PML: variants seen among roughly 807,000 people sequenced by gnomAD.
PML encodes the protein protein PML.
A neutral mutation model predicts 65.2 loss-of-function variants in PML; 28 were observed. The ratio of observed to expected loss-of-function variants is 0.43; its 90% CI spans 0.32 to 0.59. PML has a LOEUF of 0.59. PML is among the 20% of genes least tolerant of loss of function. The probability of loss-of-function intolerance (pLI) is 0.08; values close to 1 mark genes in which losing one functional copy is unlikely to be tolerated. For missense variants in PML, 1,021 were observed against 1,203.4 expected, an observed-to-expected ratio of 0.85 and a Z score of 2.24; for synonymous variants, 500 against 508.8, an observed-to-expected ratio of 0.98 and a Z score of 0.23.
rs759232644 is a variant in PML at position 74,036,028 on chromosome 15, C to G, written c.1710+1498C>G. ...TGAGCTGCCTCCTCCAGCCCATGCTCTTACAGGCCCTGCACAGAGTAGCAC... is the reference window on the plus strand; with the variant it reads ...TGAGCTGCCTCCTCCAGCCCATGCTGTTACAGGCCCTGCACAGAGTAGCAC... On this transcript the variant is annotated intron_variant, in intron 7 of 8. Coordinates refer to ENST00000268058, the MANE Select transcript of PML (RefSeq NM_033238.3). The G allele has an allele frequency of 3.1e-6, 5 of 1,614,124 alleles. No individual in the cohort carries two copies. In the African/African-American group the frequency reaches 5.3e-5, roughly 17 times the overall value.
chr15:74,002,612 T>TG (rs1254890940), intron 2 of PML, among the ~76,000 whole-genome samples: 1 of 34,838 alleles, frequency 2.9e-5, no homozygotes, highest in Non-Finnish European at 9.1e-5. Flanking sequence ...CCCGGCTAAG[T>TG]TTTTTTTTTT....
intron 2 of PML, among the ~76,000 whole-genome samples, chr15:74,006,217 C>T (rs560363028): frequency 1.3e-5 from 2 of 151,794 alleles, no homozygotes; most frequent in East Asian, 3.9e-4. Flanking sequence ...ATGGTGAAAC[C>T]CCATCTCTAC....
rs912943711 is a variant in PML, at chr15:74,035,081, G to A, written c.1710+551G>A. 9.4e-5 allele frequency: 116 copies of A among 1,229,942 alleles called. No homozygotes were observed. The Admixed American group carries it at 1.3e-3, about 14-fold the overall frequency. The allele number at this position is 1,229,942 out of a possible 1,614,324, so 76.2% of individuals were successfully genotyped here. Reference sequence around the variant, plus strand: ...AGAGGCTGGACTATCACCTGTCCAGGGGAAAAGGGGATCTGAATAGAGTGA... The same window carrying A: ...AGAGGCTGGACTATCACCTGTCCAGAGGAAAAGGGGATCTGAATAGAGTGA... On this transcript the variant is annotated intron_variant, in intron 7 of 8. Transcript: ENST00000268058. This position sits in a 1 kb window ranked among gnomAD's most constrained non-coding sequence, Gnocchi z 4.1.
intron 2 of PML, among the ~76,000 whole-genome samples, chr15:74,021,176 A>G (rs2070817156): frequency 6.6e-6 from 1 of 152,222 alleles, no homozygotes; most frequent in Non-Finnish European, 1.5e-5. Flanking sequence ...TAAAATGGGG[A>G]TAATAATGGT....
intron 2 of PML, among the ~76,000 whole-genome samples, chr15:74,014,596 T>C (rs919865340): frequency 6.6e-6 from 1 of 151,800 alleles, no homozygotes; most frequent in African/African-American, 2.4e-5. Context: ...AACCTGTCTC[T>C]ACTAAAAATA....
In PML at chr15:74,047,061, A is replaced by T. The variant is rs775992652; in HGVS notation, c.*2053A>T. The T allele has an allele frequency of 5.2e-5, 12 of 230,056 alleles. No homozygotes were observed. The highest frequency in any genetic ancestry group is 1.0e-4 in the Non-Finnish European group (12 of 116,186). 14.3% of individuals were successfully genotyped at this position (230,056 alleles called of 1,614,324 possible). A position where few individuals can be genotyped will look rare whatever the true frequency, so the allele number is the denominator to read the frequency against. On this transcript the variant is annotated 3_prime_UTR_variant, in exon 9 of 9. Transcript: ENST00000268058. Reference sequence around the variant, plus strand: ...GAGTGCCATGTGGCAGGAAAGAAGCACCGATTTCAAGAATTACTTCCTAGA... The same window carrying T: ...GAGTGCCATGTGGCAGGAAAGAAGCTCCGATTTCAAGAATTACTTCCTAGA...
intron 2 of PML, among the ~76,000 whole-genome samples, chr15:74,018,697 ATTTC>A (rs2141818406): frequency 6.6e-6 from 1 of 151,996 alleles, no homozygotes; most frequent in South Asian, 2.1e-4. Context: ...TTTTTCCCAT[ATTTC>A]TTCTCATTTG....
chr15:74,034,188 T>A, intron 6 of PML: 1 of 495,844 alleles, frequency 2.0e-6, no homozygotes, highest in Non-Finnish European at 3.7e-6. Context: ...CAGGTAGCAG[T>A]TGTCAGGCCT....
At chr15:74,008,582 C>CA (rs1163269445) in intron 2 of PML, among the ~76,000 whole-genome samples, 1 of 151,804 alleles carries the variant, frequency 6.6e-6, no homozygotes. Flanking sequence ...ACTAAAAATA[C>CA]AAAAAAATTA....
At chr15:74,021,881 C>G (rs2070850758) in intron 2 of PML, among the ~76,000 whole-genome samples, 1 of 152,202 alleles carries the variant, frequency 6.6e-6, no homozygotes, top group Non-Finnish European at 1.5e-5. Context: ...CTGATCTGTG[C>G]CTATGCACCT....
intron 2 of PML, among the ~76,000 whole-genome samples, chr15:74,018,684 AT>A (rs1377030940): frequency 6.6e-6 from 1 of 151,896 alleles, no homozygotes; most frequent in African/African-American, 2.4e-5. Context: ...GGGAAGATGG[AT>A]TTTTTTCCCA....
Position 74,043,073 on chromosome 15 carries a change from A to G in PML, c.1795A>G (p.Asn599Asp). Residue 599 changes from asparagine to aspartate, a missense_variant, in exon 8 of 9, where the codon AAC (asparagine) becomes GAC (aspartate). Asn to Asp is a conservative substitution (Grantham distance 23, BLOSUM62 1). Transcript: ENST00000268058. This position sits in a 1 kb window ranked among gnomAD's most constrained non-coding sequence, Gnocchi z 4.3. Reference protein sequence around the residue: ...GPSTLRVLDENLADPQAEDRP... With the variant: ...GPSTLRVLDEDLADPQAEDRP... ...CAGCACCCTCAGGGTCCTGGACGAGAACCTTGCTGACCCCCAAGCAGAAGA... is the reference window on the plus strand; with the variant it reads ...CAGCACCCTCAGGGTCCTGGACGAGGACCTTGCTGACCCCCAAGCAGAAGA... 6.2e-7 allele frequency: 1 copy of G among 1,613,210 alleles called. No individual in the cohort carries two copies. The highest frequency in any genetic ancestry group is 8.5e-7 in the Non-Finnish European group (1 of 1,179,838).
intron 2 of PML, among the ~76,000 whole-genome samples, chr15:74,007,712 G>A (rs1250978693): frequency 6.6e-6 from 1 of 152,098 alleles, no homozygotes; most frequent in East Asian, 1.9e-4. Flanking sequence ...TGGGGCCATT[G>A]GTATTTGCTC....
chr15:74,035,285 A>G lies in PML; in HGVS notation c.1710+755A>G, dbSNP rs1210938933. The stretch of plus-strand genomic sequence containing the variant: ...TCCAGTCTCTGCTGAGAGCACAAGG[A>G]GCCTCCAGCCTGCCCTGTGGCACAT... On this transcript the variant is annotated intron_variant, in intron 7 of 8. Transcript: ENST00000268058. This position sits in a 1 kb window ranked among gnomAD's most constrained non-coding sequence, Gnocchi z 4.1. 2 of 1,612,838 alleles carry G rather than the reference A, an allele frequency of 1.2e-6. No individual in the cohort carries two copies. Among genetic ancestry groups the G allele is most frequent in the Admixed American group, 3.3e-5 (2 of 59,944 alleles).
In PML at chr15:74,023,111, G is replaced by C. The variant is rs868222335; in HGVS notation, c.886G>C (p.Glu296Gln). 6 of 1,603,762 alleles carry C rather than the reference G, an allele frequency of 3.7e-6. No individual in the cohort carries two copies. Among genetic ancestry groups the C allele is most frequent in the South Asian group, 1.1e-5 (1 of 91,012 alleles). ...AGCTCACGTGCGGGCTCAGGAGCGCGAGCTGCTGGAGGCTGTGGACGCGCG... is the reference window on the plus strand; with the variant it reads ...AGCTCACGTGCGGGCTCAGGAGCGCCAGCTGCTGGAGGCTGTGGACGCGCG... Reference protein sequence around the residue: ...VVAHVRAQERELLEAVDARYQ... With the variant: ...VVAHVRAQERQLLEAVDARYQ... Residue 296 changes from glutamate to glutamine, a missense_variant, in exon 3 of 9, where the codon GAG (glutamate) becomes CAG (glutamine). Physicochemically the swap from Glu to Gln is conservative, Grantham distance 29. Transcript: ENST00000268058.
rs2071745569 is a variant in PML, at chr15:74,044,284, C to T, written c.1925C>T (p.Pro642Leu). 1.2e-6 allele frequency: 2 copies of T among 1,614,130 alleles called. No individual in the cohort carries two copies. The highest frequency in any genetic ancestry group is 1.7e-6 in the Non-Finnish European group (2 of 1,180,024). Reference protein sequence around the residue: ...RESKFRVVIQPEAFFSIYSKA... With the variant: ...RESKFRVVIQLEAFFSIYSKA... Reference sequence around the variant, plus strand: ...AGCAAGTTCCGCGTGGTCATCCAGCCTGAAGCCTTCTTCAGCATCTACTCC... The same window carrying T: ...AGCAAGTTCCGCGTGGTCATCCAGCTTGAAGCCTTCTTCAGCATCTACTCC... Residue 642 changes from proline to leucine, a missense_variant, in exon 9 of 9, where the codon CCT becomes CTT. By Grantham distance (98) the Pro-to-Leu change is moderately conservative. Transcript: ENST00000268058.
At chr15:74,001,399 G>A (rs1043747151) in intron 2 of PML, among the ~76,000 whole-genome samples, 2 of 151,726 alleles carry the variant, frequency 1.3e-5, no homozygotes, top group African/African-American at 4.8e-5. Context: ...GGAGTGCAGT[G>A]GTAGATCTTG....
chr15:74,010,185 ATTTTTTTTTT>A (rs536738558), intron 2 of PML, among the ~76,000 whole-genome samples: 4,457 of 77,946 alleles, frequency 0.057, 116 homozygotes, highest in South Asian at 0.2. Context: ...TGCCCAGCTA[ATTTTTTTTTT>A]TTTTTTTTTT....
At chr15:74,019,255 C>T (rs778731617) in intron 2 of PML, among the ~76,000 whole-genome samples, 2 of 152,230 alleles carry the variant, frequency 1.3e-5, no homozygotes, top group Non-Finnish European at 2.9e-5. Flanking sequence ...TCTATCCAGC[C>T]AGGCTGCCTG....
Sources: allele counts gnomAD v4.1 joint callset (sites outside exome capture counted in the v4.1 genomes callset), GRCh38; gene constraint gnomAD v4.1.1; non-coding constraint Gnocchi (gnomAD v3.1); transcripts MANE v1.5; gene names NCBI Gene and HGNC (gene_info 2026-07-23, HGNC 2026-07-21).